The following FAM227A variants were observed in gnomAD, a reference collection of about 807,000 sequenced individuals.
FAM227A encodes family with sequence similarity 227 member A, also known as protein FAM227A.
FAM227A carries 80 observed loss-of-function variants against 74.7 expected under a neutral mutation model. That is an observed-to-expected ratio of 1.07 (90% CI 0.89 to 1.29). The LOEUF (loss-of-function observed/expected upper bound fraction) is 1.29. Ranked by LOEUF, FAM227A falls within the 50% of genes most tolerant of loss-of-function variation. The pLI, the probability that FAM227A is intolerant of heterozygous loss-of-function variation, is 0.00. For missense variants in FAM227A, 654 were observed against 683.4 expected, an observed-to-expected ratio of 0.96 and a Z score of 0.48; for synonymous variants, 237 against 241.8, an observed-to-expected ratio of 0.98 and a Z score of 0.19.
At chr22:38,649,436 G>T (rs1053943074) in intron 2 of FAM227A, among the ~76,000 whole-genome samples, 6 of 151,436 alleles carry the variant, frequency 4.0e-5, no homozygotes, top group Non-Finnish European at 5.9e-5. Flanking sequence ...CATGGTGACA[G>T]GCGCCTGTAA....
intron 11 of FAM227A, among the ~76,000 whole-genome samples, chr22:38,608,967 G>A (rs1272933478): frequency 6.6e-6 from 1 of 151,662 alleles, no homozygotes; most frequent in Non-Finnish European, 1.5e-5. Context: ...AGCTAATTTT[G>A]TATTTTTAGG....
At chr22:38,613,247 T>C (rs1305351173) in intron 11 of FAM227A, among the ~76,000 whole-genome samples, 2 of 81,642 alleles carry the variant, frequency 2.4e-5, no homozygotes, top group African/African-American at 5.3e-5. Context: ...TAATATATAA[T>C]ATATAACATA....
chr22:38,589,684 CATAGGA>C (rs2090889653), intron 16 of FAM227A, among the ~76,000 whole-genome samples: 1 of 152,158 alleles, frequency 6.6e-6, no homozygotes. Flanking sequence ...CCCACAAAGC[CATAGGA>C]ATCAGAATAG....
At chr22:38,648,305 TAAAAAA>T (rs11351838) in intron 2 of FAM227A, among the ~76,000 whole-genome samples, 2 of 125,852 alleles carry the variant, frequency 1.6e-5, no homozygotes, top group South Asian at 2.6e-4. Flanking sequence ...TCAACTTGAT[TAAAAAA>T]AAAAAAAAAA....
chr22:38,643,079 C>G (rs1326374595), intron 3 of FAM227A, among the ~76,000 whole-genome samples: 2 of 152,088 alleles, frequency 1.3e-5, no homozygotes, highest in Non-Finnish European at 2.9e-5. Flanking sequence ...CTTTGGGAGG[C>G]CGAGGCGGGT....
intron 6 of FAM227A, among the ~76,000 whole-genome samples, chr22:38,631,784 G>A (rs1022480283): frequency 5.3e-5 from 8 of 152,200 alleles, no homozygotes; most frequent in Non-Finnish European, 1.0e-4. Flanking sequence ...TACTGGTGCT[G>A]AGACATTTTC....
At chr22:38,625,292 G>A (rs1030798958) in intron 9 of FAM227A, among the ~76,000 whole-genome samples, 6 of 152,102 alleles carry the variant, frequency 3.9e-5, no homozygotes, top group African/African-American at 1.4e-4. Context: ...GGGAGGCTGA[G>A]GCAGGAGAAT....
chr22:38,591,377 CT>C (rs2090930695), intron 16 of FAM227A, 57 bp downstream of exon 16: 1 of 1,530,838 alleles, frequency 6.5e-7, no homozygotes, highest in Admixed American at 2.2e-5. Flanking sequence ...ACACTTCTAC[CT>C]TTCCCATGGT....
At chr22:38,618,796 G>A (rs764356954) in intron 11 of FAM227A, among the ~76,000 whole-genome samples, 4 of 152,124 alleles carry the variant, frequency 2.6e-5, no homozygotes, top group Non-Finnish European at 4.4e-5. Flanking sequence ...AGGTCCTAAA[G>A]TCTCTATCGC....
chr22:38,636,752 C>T (rs2092014313), intron 5 of FAM227A, among the ~76,000 whole-genome samples, 155 bp from the exon 6 acceptor site: 1 of 150,580 alleles, frequency 6.6e-6, no homozygotes, highest in African/African-American at 2.5e-5. Flanking sequence ...CCCTTCCAAA[C>T]TCCTATCTAC....
At chr22:38,654,538 G>C (rs1327714938) in intron 1 of FAM227A, among the ~76,000 whole-genome samples, 1 of 151,886 alleles carries the variant, frequency 6.6e-6, no homozygotes, top group Non-Finnish European at 1.5e-5. Flanking sequence ...TTTTAAGGCT[G>C]AATGCAGTGG....
intron 11 of FAM227A, among the ~76,000 whole-genome samples, chr22:38,609,865 A>C (rs5750640): frequency 6.6e-6 from 1 of 152,098 alleles, no homozygotes; most frequent in South Asian, 2.1e-4. Flanking sequence ...TCCGCTTCTC[A>C]GGTTCAAGTG....
intron 6 of FAM227A, among the ~76,000 whole-genome samples, chr22:38,631,581 G>A (rs1213846706): frequency 6.6e-6 from 1 of 152,158 alleles, no homozygotes; most frequent in African/African-American, 2.4e-5. Context: ...AGGGAGAGCT[G>A]AGAGCTCCTC....
intron 15 of FAM227A, among the ~76,000 whole-genome samples, chr22:38,596,265 G>A (rs1241619361): frequency 6.6e-6 from 1 of 152,152 alleles, no homozygotes; most frequent in Admixed American, 6.5e-5. Context: ...AGGCTGCAGT[G>A]AGCCAAGATC....
chr22:38,617,283 G>A (rs1408872550), intron 11 of FAM227A, among the ~76,000 whole-genome samples: 1 of 148,834 alleles, frequency 6.7e-6, no homozygotes, highest in East Asian at 2.0e-4. Flanking sequence ...CTGAACCTGT[G>A]AGAACAGACT....
chr22:38,639,469 G>T (rs891705621), intron 4 of FAM227A, 186 bp downstream of exon 4: 66 of 655,058 alleles, frequency 1.0e-4, no homozygotes, highest in Non-Finnish European at 1.7e-4. Flanking sequence ...ACATGTAGGT[G>T]GTCTCTAAAT....
chr22:38,639,628 C>A, intron 4 of FAM227A, 27 bp downstream of exon 4: 1 of 1,550,206 alleles, frequency 6.5e-7, no homozygotes, highest in Non-Finnish European at 8.7e-7. Flanking sequence ...ATGAAAAGAG[C>A]ATCAAGGCTG....
At chr22:38,634,221 C>CAAAAAAAAAAAAAAAAAAA (rs34039010) in intron 6 of FAM227A, among the ~76,000 whole-genome samples, 2 of 62,156 alleles carry the variant, frequency 3.2e-5, no homozygotes, top group Non-Finnish European at 3.2e-5. Context: ...GACTCTGTCT[C>CAAAAAAAAAAAAAAAAAAA]AAAAAAAAAA....
At position 38,582,120 on chromosome 22, in the gene FAM227A, G is replaced by A. The variant is rs2090715339; in HGVS notation, c.*4005C>T. On this transcript the variant is annotated 3_prime_UTR_variant, in exon 17 of 17. Transcript: ENST00000535113. ...GCACACATTTAAAGTGTATTTAGGT[G>A]TGTATACACCCATGAGCCATTCACC... 4 of 539,766 alleles carry A rather than the reference G, an allele frequency of 7.4e-6. No homozygotes were observed. The highest frequency in any genetic ancestry group is 5.0e-5 in the South Asian group (2 of 39,908). The allele number at this position is 539,766 out of a possible 1,614,324, so 33.4% of individuals were successfully genotyped here.
Sources: allele counts gnomAD v4.1 joint callset (sites outside exome capture counted in the v4.1 genomes callset), GRCh38; gene constraint gnomAD v4.1.1; transcripts MANE v1.5; gene names NCBI Gene and HGNC (gene_info 2026-07-23, HGNC 2026-07-21).